Variants in SYN2 observed in about 807,000 individuals in gnomAD.
SYN2 encodes synapsin II.
SYN2 carries 19 observed loss-of-function variants against 50.9 expected under a neutral mutation model. The ratio of observed to expected loss-of-function variants is 0.37; its 90% CI spans 0.26 to 0.55. SYN2 has a LOEUF of 0.55. Among genes scored for constraint, SYN2 ranks in the 20% least tolerant of loss-of-function variants. The pLI, the probability that SYN2 is intolerant of heterozygous loss-of-function variation, is 0.81. For missense variants in SYN2, 587 were observed against 576.4 expected (o/e 1.02, Z -0.19); for synonymous variants, 255 against 224.9 (o/e 1.13, Z -1.20).
At chr3:12,101,208 A>G (rs1342127081) in intron 1 of SYN2, among the ~76,000 whole-genome samples, 1 of 152,206 alleles carries the variant, frequency 6.6e-6, no homozygotes, top group East Asian at 1.9e-4. Flanking sequence ...CATGGTTCAT[A>G]TTAGTCTAAA....
At chr3:12,152,455 C>T (rs1009463876) in intron 5 of SYN2, among the ~76,000 whole-genome samples, 1 of 152,196 alleles carries the variant, frequency 6.6e-6, no homozygotes, top group African/African-American at 2.4e-5. Context: ...GGTGAGAGTA[C>T]TCAGCTGAAG....
At chr3:12,172,593 A>G (rs995198000) in intron 10 of SYN2, among the ~76,000 whole-genome samples, 1 of 152,228 alleles carries the variant, frequency 6.6e-6, no homozygotes, top group Admixed American at 6.5e-5. Context: ...GACAATATGC[A>G]TAGAGGATTA....
intron 5 of SYN2, among the ~76,000 whole-genome samples, chr3:12,154,934 A>G (rs930556828): frequency 1.3e-5 from 2 of 152,184 alleles, no homozygotes; most frequent in Non-Finnish European, 2.9e-5. Flanking sequence ...CCTTCCCAGT[A>G]TCTGCACAGG....
chr3:12,137,181 G>A (rs542964191), intron 1 of SYN2, among the ~76,000 whole-genome samples: 32 of 151,340 alleles, frequency 2.1e-4, no homozygotes, highest in African/African-American at 7.5e-4. Context: ...TCAGGCAGTC[G>A]AGGCTACAGT....
intron 5 of SYN2, chr3:12,158,898 G>A: frequency 6.8e-7 from 1 of 1,463,488 alleles, no homozygotes; most frequent in Non-Finnish European, 9.0e-7. Flanking sequence ...GGCCCCAGCA[G>A]GGCTCCTTCC....
intron 1 of SYN2, among the ~76,000 whole-genome samples, chr3:12,121,484 G>T (rs1287602320): frequency 6.6e-6 from 1 of 152,126 alleles, no homozygotes; most frequent in Non-Finnish European, 1.5e-5. Flanking sequence ...CAGGGAAAGG[G>T]ATTGCTCTTT....
chr3:12,189,901 A>C (rs1698414607), intron 12 of SYN2, among the ~76,000 whole-genome samples: 1 of 152,232 alleles, frequency 6.6e-6, no homozygotes, highest in Non-Finnish European at 1.5e-5. Flanking sequence ...AAGAGATCAG[A>C]ATAGAAAGAG....
chr3:12,157,315 C>T (rs1352187557), intron 5 of SYN2: 2 of 1,469,940 alleles, frequency 1.4e-6, no homozygotes, highest in Non-Finnish European at 1.9e-6. Flanking sequence ...GCTACCAGCC[C>T]TCCCAGAACA....
chr3:12,019,908 C>T (rs1037931795), intron 1 of SYN2, among the ~76,000 whole-genome samples: 5 of 152,134 alleles, frequency 3.3e-5, no homozygotes, highest in Non-Finnish European at 5.9e-5. Flanking sequence ...TTTCTCTGTG[C>T]GGCTAAGCTC....
chr3:12,186,690 A>G (rs542670550), intron 11 of SYN2, among the ~76,000 whole-genome samples: 102 of 152,302 alleles, frequency 6.7e-4, no homozygotes, highest in Middle Eastern at 6.8e-3. Context: ...GGGCCTGGCA[A>G]TCAGACCCAC....
chr3:12,042,815 T>C (rs950741982), intron 1 of SYN2, among the ~76,000 whole-genome samples: 1 of 152,094 alleles, frequency 6.6e-6, no homozygotes, highest in Non-Finnish European at 1.5e-5. Context: ...CATGTGAAGA[T>C]GGAGGCAGAG....
intron 1 of SYN2, among the ~76,000 whole-genome samples, chr3:12,025,621 A>G (rs1255508233): frequency 6.6e-6 from 1 of 152,136 alleles, no homozygotes; most frequent in African/African-American, 2.4e-5. Context: ...CATAGAAACT[A>G]CAGTAGTCAG....
At chr3:12,056,088 C>G (rs757078431) in intron 1 of SYN2, among the ~76,000 whole-genome samples, 1 of 151,224 alleles carries the variant, frequency 6.6e-6, no homozygotes, top group Non-Finnish European at 1.5e-5. Flanking sequence ...GGCTCTTGAA[C>G]AGATCAACTC....
chr3:12,111,223 G>A (rs160210), intron 1 of SYN2, among the ~76,000 whole-genome samples: 3,471 of 152,194 alleles, frequency 0.023, 50 homozygotes, highest in Middle Eastern at 0.082. Context: ...GTTCCCCTGC[G>A]GAAGTTCTTT....
intron 1 of SYN2, among the ~76,000 whole-genome samples, chr3:12,089,162 A>G (rs938864316): frequency 2.0e-5 from 3 of 152,186 alleles, no homozygotes; most frequent in African/African-American, 7.2e-5. Context: ...TTATGTTGCT[A>G]ATAAAGACAT....
At chr3:12,055,473 A>T (rs1439460518) in intron 1 of SYN2, among the ~76,000 whole-genome samples, 1 of 129,278 alleles carries the variant, frequency 7.7e-6, no homozygotes, top group Non-Finnish European at 1.6e-5. Flanking sequence ...AGGAAAAAAG[A>T]AATATGAAAA....
At chr3:12,024,792 G>A (rs575579343) in intron 1 of SYN2, among the ~76,000 whole-genome samples, 1 of 152,276 alleles carries the variant, frequency 6.6e-6, no homozygotes, top group South Asian at 2.1e-4. Context: ...TTCCTGCTGG[G>A]TGTGTACCCA....
intron 1 of SYN2, among the ~76,000 whole-genome samples, chr3:12,032,179 T>C (rs1256498065): frequency 3.1e-5 from 2 of 63,702 alleles, no homozygotes; most frequent in African/African-American, 8.7e-5. Flanking sequence ...GGTTGAAAAT[T>C]CTTTTCTTTA....
At chr3:12,059,426 G>C (rs1230599035) in intron 1 of SYN2, among the ~76,000 whole-genome samples, 1 of 152,122 alleles carries the variant, frequency 6.6e-6, no homozygotes, top group Non-Finnish European at 1.5e-5. Context: ...TTAAAAGCTG[G>C]AATCAGTAGA....
Sources: allele counts gnomAD v4.1 joint callset (sites outside exome capture counted in the v4.1 genomes callset), GRCh38; gene constraint gnomAD v4.1.1; transcripts MANE v1.5; gene names NCBI Gene and HGNC (gene_info 2026-07-23, HGNC 2026-07-21).